SEC22C: variants seen among roughly 807,000 people sequenced by gnomAD.
The protein encoded by SEC22C is vesicle-trafficking protein SEC22c.
In SEC22C, 29 loss-of-function variants were observed where a neutral mutation model predicts 34.7. The observed-to-expected ratio is 0.84, with a 90% CI of 0.62 to 1.14. SEC22C has a LOEUF of 1.14. SEC22C is among the 50% of genes most tolerant of loss of function. The pLI is 0.00. For synonymous variants in SEC22C, 117 were observed against 132.8 expected (o/e 0.88, Z 0.82); for missense variants, 337 against 369.0 (o/e 0.91, Z 0.71).
intron 1 of SEC22C, among the ~76,000 whole-genome samples, chr3:42,574,118 A>T (rs994302752): frequency 6.6e-6 from 1 of 152,194 alleles, no homozygotes; most frequent in Non-Finnish European, 1.5e-5. Flanking sequence ...GAAAAATAAT[A>T]ACCTTACCTA....
At position 42,551,991 on chromosome 3, in the gene SEC22C, G is replaced by A. The variant is rs1702279800; in HGVS notation, c.*1257C>T. 1 of 985,236 alleles carries A rather than the reference G, an allele frequency of 1.0e-6. No homozygotes were observed. Among genetic ancestry groups the A allele is most frequent in the South Asian group, 4.7e-5 (1 of 21,292 alleles). The allele number at this position is 985,236 out of a possible 1,614,324, so 61.0% of individuals were successfully genotyped here. ...TATTCAGATTCCAGACTTCTACCAA[G>A]AACAATCCAAAGAGCAAACTCCCAA... On this transcript the variant is annotated 3_prime_UTR_variant, in exon 7 of 7. Transcript: ENST00000264454.
intron 5 of SEC22C, among the ~76,000 whole-genome samples, chr3:42,557,019 C>T (rs893003141): frequency 8.5e-5 from 13 of 152,154 alleles, no homozygotes; most frequent in Admixed American, 2.0e-4. Flanking sequence ...TCACCACACC[C>T]GGCCGATACC....
Position 42,553,023 on chromosome 3 carries a change from T to C in SEC22C, c.*225A>G. ...ATCCAGCTGTCCTAGGTAAACGTGC[T>C]GAACTGGCTGGAGATCCTGCAGTAA... On this transcript the variant is annotated 3_prime_UTR_variant, in exon 7 of 7. Transcript: ENST00000264454. 7.2e-7 allele frequency: 1 copy of C among 1,383,688 alleles called. No individual in the cohort carries two copies. Among genetic ancestry groups the C allele is most frequent in the South Asian group, 1.6e-5 (1 of 62,024 alleles). 85.7% of individuals were successfully genotyped at this position (1,383,688 alleles called of 1,614,324 possible).
intron 1 of SEC22C, among the ~76,000 whole-genome samples, chr3:42,575,409 T>C (rs1204489105): frequency 1.3e-5 from 2 of 152,150 alleles, no homozygotes; most frequent in African/African-American, 2.4e-5. Context: ...TATAACAATA[T>C]AGGTAGGTTG....
chr3:42,548,775 A>G lies in SEC22C; in HGVS notation c.*4473T>C. ...TTGGAGTGAAAAAAATGAGGTTTAC[A>G]CTGTAGTATAACAAAATGCCTTTTT... is the stretch of plus-strand genomic sequence containing the variant. On this transcript the variant is annotated 3_prime_UTR_variant, in exon 7 of 7. Coordinates refer to ENST00000264454, the MANE Select transcript of SEC22C (RefSeq NM_032970.4). 1 of 1,547,222 alleles carries G rather than the reference A, an allele frequency of 6.5e-7. No homozygotes were observed.
At chr3:42,561,347 A>C (rs753994927) in intron 3 of SEC22C, 51 bp from the exon 4 acceptor site, 2 of 1,551,022 alleles carry the variant, frequency 1.3e-6, no homozygotes, top group East Asian at 4.5e-5. Context: ...AATGGATATT[A>C]TAAGACAATA....
chr3:42,558,505 G>T (rs944803750), intron 4 of SEC22C, among the ~76,000 whole-genome samples: 1 of 108,944 alleles, frequency 9.2e-6, no homozygotes, highest in African/African-American at 4.1e-5. Flanking sequence ...AAAAAAAAAA[G>T]TTCAGGCACA....
At chr3:42,560,247 A>T (rs1166630618) in intron 4 of SEC22C, among the ~76,000 whole-genome samples, 1 of 147,748 alleles carries the variant, frequency 6.8e-6, no homozygotes, top group African/African-American at 2.5e-5. Flanking sequence ...ACTTATAGAA[A>T]AAGAGAATGA....
Position 42,548,850 on chromosome 3 carries a change from CTTCATGT to C in SEC22C, c.*4391_*4397del. The C allele has an allele frequency of 7.1e-7, 1 of 1,401,850 alleles. No individual in the cohort carries two copies. The highest frequency in any genetic ancestry group is 9.3e-7 in the Non-Finnish European group (1 of 1,077,980). The allele number at this position is 1,401,850 out of a possible 1,614,324, so 86.8% of individuals were successfully genotyped here. On this transcript the variant is annotated 3_prime_UTR_variant, in exon 7 of 7. Coordinates refer to ENST00000264454, the MANE Select transcript of SEC22C (RefSeq NM_032970.4). ...GCTGTGCTGCCTGAAGCAGAAAAAC[CTTCATGT>C]ACCAGGTGAATGTAAAGCCTTTCTC...
In SEC22C at chr3:42,568,994, A is replaced by T. The variant is rs777121437; in HGVS notation, c.53T>A (p.Leu18His). Residue 18 changes from leucine to histidine, a missense_variant, in exon 2 of 7, where the codon CTC becomes CAC. Coordinates refer to ENST00000264454, the MANE Select transcript of SEC22C (RefSeq NM_032970.4). ...GTGGTAAAAATCAGTAGAGGCTGAG[A>T]GGGGCAGTCCATCCCTTACCCGTAC... ...CVVRVRDGLP[L>H]SASTDFYHTQ... 1 of 1,614,124 alleles carries T rather than the reference A, an allele frequency of 6.2e-7. No individual in the cohort carries two copies. The highest frequency in any genetic ancestry group is 8.5e-7 in the Non-Finnish European group (1 of 1,180,034).
At chr3:42,595,078 G>A (rs544532640) in intron 1 of SEC22C, 1 of 152,274 alleles carries the variant, frequency 6.6e-6, no homozygotes, top group Admixed American at 6.5e-5. Flanking sequence ...TAACCATAAA[G>A]TATATAAAAA....
At chr3:42,591,213 T>C in intron 1 of SEC22C, 1 of 593,600 alleles carries the variant, frequency 1.7e-6, no homozygotes, top group Non-Finnish European at 3.0e-6. Context: ...TTTTTTTTTT[T>C]TTTTGAGACG....
At position 42,548,356 on chromosome 3, in the gene SEC22C, G is replaced by C; in HGVS notation, c.*4892C>G. 3.9e-6 allele frequency: 2 copies of C among 516,432 alleles called. No homozygotes were observed. Among genetic ancestry groups the C allele is most frequent in the Non-Finnish European group, 7.0e-6 (2 of 286,926 alleles). 32.0% of individuals were successfully genotyped at this position (516,432 alleles called of 1,614,324 possible). Reference sequence around the variant, plus strand: ...AATCATATAAATGTAAGGGTTAAAGGTCATATGTACTAAGCATGGGTCAGA... The same window carrying C: ...AATCATATAAATGTAAGGGTTAAAGCTCATATGTACTAAGCATGGGTCAGA... On this transcript the variant is annotated 3_prime_UTR_variant, in exon 7 of 7. Transcript: ENST00000264454.
chr3:42,566,016 T>G (rs1164303337), intron 2 of SEC22C: 1 of 397,030 alleles, frequency 2.5e-6, no homozygotes, highest in Non-Finnish European at 4.9e-6. Flanking sequence ...AAATCTGAAG[T>G]CTTAGACTTC....
At chr3:42,589,596 G>T (rs1041988160) in intron 1 of SEC22C, among the ~76,000 whole-genome samples, 1 of 152,232 alleles carries the variant, frequency 6.6e-6, no homozygotes, top group Non-Finnish European at 1.5e-5. Context: ...TGCCCCCTCA[G>T]ATCAGCGGGG....
In SEC22C at chr3:42,557,571, AG is replaced by A. The variant is rs1702603120; in HGVS notation, c.645+6del. The A allele has an allele frequency of 2.9e-6, 4 of 1,365,044 alleles. No individual in the cohort carries two copies. The highest frequency in any genetic ancestry group is 1.5e-5 in the African/African-American group (1 of 66,536). 84.6% of individuals were successfully genotyped at this position (1,365,044 alleles called of 1,614,324 possible). A position where few individuals can be genotyped will look rare whatever the true frequency, so the allele number is the denominator to read the frequency against. On this transcript the variant is annotated splice_donor_region_variant and intron_variant, in intron 5 of 6. Coordinates refer to ENST00000264454, the MANE Select transcript of SEC22C (RefSeq NM_032970.4). ...TTAAACTGTTTTAAAAAAAAAAAAAAGGTTACCTGTAAAGAATGTTCTGCAA... is the reference window on the plus strand; with the variant it reads ...TTAAACTGTTTTAAAAAAAAAAAAAAGTTACCTGTAAAGAATGTTCTGCAA...
intron 2 of SEC22C, among the ~76,000 whole-genome samples, chr3:42,566,198 C>A (rs1421435461): frequency 2.6e-5 from 4 of 152,156 alleles, no homozygotes; most frequent in African/African-American, 9.7e-5. Context: ...TCCTAAACAT[C>A]CAGAGCCCAC....
intron 1 of SEC22C, among the ~76,000 whole-genome samples, chr3:42,590,070 G>GA (rs1276815838): frequency 3.3e-5 from 5 of 152,014 alleles, no homozygotes; most frequent in Non-Finnish European, 5.9e-5. Context: ...GTAAAATGGA[G>GA]AAAATACCAG....
Position 42,548,873 on chromosome 3 carries a change from A to C in SEC22C, c.*4375T>G. 1 of 1,381,502 alleles carries C rather than the reference A, an allele frequency of 7.2e-7. No individual in the cohort carries two copies. The highest frequency in any genetic ancestry group is 9.4e-7 in the Non-Finnish European group (1 of 1,066,702). 85.6% of individuals were successfully genotyped at this position (1,381,502 alleles called of 1,614,324 possible). A position where few individuals can be genotyped will look rare whatever the true frequency, so the allele number is the denominator to read the frequency against. ...ACCTTCATGTACCAGGTGAATGTAA[A>C]GCCTTTCTCCTCCCACACACAATGG... On this transcript the variant is annotated 3_prime_UTR_variant, in exon 7 of 7. Transcript: ENST00000264454.
Sources: gnomAD v4.1 joint callset for allele counts (sites outside exome capture counted in the v4.1 genomes callset) on GRCh38, gnomAD v4.1.1 for gene constraint, MANE v1.5 for transcripts, NCBI Gene and HGNC (gene_info 2026-07-23, HGNC 2026-07-21) for gene names.